SUSD6: variants seen among roughly 807,000 people sequenced by gnomAD.
The protein encoded by SUSD6 is sushi domain-containing protein 6.
A neutral mutation model predicts 28.4 loss-of-function variants in SUSD6; 16 were observed. That is an observed-to-expected ratio of 0.56 (90% CI 0.38 to 0.86). The LOEUF (loss-of-function observed/expected upper bound fraction) is 0.86, where lower values mean the gene tolerates loss of function less well. Among genes scored for constraint, SUSD6 ranks in the 40% least tolerant of loss-of-function variants. The pLI is 0.00. For synonymous variants in SUSD6, 147 were observed against 159.6 expected, an observed-to-expected ratio of 0.92 and a Z score of 0.59; for missense variants, 341 against 384.2, an observed-to-expected ratio of 0.89 and a Z score of 0.94.
chr14:69,636,272 G>A (rs1885264756), intron 1 of SUSD6, among the ~76,000 whole-genome samples: 2 of 152,334 alleles, frequency 1.3e-5, no homozygotes, highest in East Asian at 1.9e-4. Context: ...CATAGACGGA[G>A]GTGACAGTAA....
At chr14:69,705,401 C>T (rs1307466774) in intron 4 of SUSD6, among the ~76,000 whole-genome samples, 2 of 151,860 alleles carry the variant, frequency 1.3e-5, no homozygotes, top group African/African-American at 2.4e-5. Context: ...GTTCTCAAAG[C>T]GTGGTTCCAG....
intron 1 of SUSD6, among the ~76,000 whole-genome samples, chr14:69,648,662 G>A (rs1424908700): frequency 1.3e-5 from 2 of 152,078 alleles, no homozygotes; most frequent in Non-Finnish European, 2.9e-5. Flanking sequence ...TTTGGAAAAC[G>A]ATCCACAGAG....
intron 1 of SUSD6, among the ~76,000 whole-genome samples, chr14:69,627,828 C>T (rs1885137236): frequency 6.6e-6 from 1 of 152,124 alleles, no homozygotes; most frequent in African/African-American, 2.4e-5. Context: ...AATCTTTTTA[C>T]ATGTAAATGT....
intron 1 of SUSD6, among the ~76,000 whole-genome samples, chr14:69,627,959 A>C (rs1885139138): frequency 6.8e-6 from 1 of 147,470 alleles, no homozygotes. Flanking sequence ...TTTGAGATGG[A>C]GTCTCGCTCT....
rs201348116 is a variant in SUSD6 at position 69,708,849 on chromosome 14, G to T, written c.631G>T (p.Val211Leu). ...SEGSGPSGRS[V>L]PREQQLPDQG... Reference sequence around the variant, plus strand: ...AGGGTCTGGGCCCAGTGGGAGGAGCGTGCCAAGGGAGCAACAGCTGCCGGA... The same window carrying T: ...AGGGTCTGGGCCCAGTGGGAGGAGCTTGCCAAGGGAGCAACAGCTGCCGGA... The change falls in exon 5 of 6, where the codon GTG (valine) becomes TTG (leucine). Residue 211 changes from valine to leucine, a missense_variant. Val to Leu is a conservative substitution (Grantham distance 32). Coordinates refer to ENST00000342745, the MANE Select transcript of SUSD6 (RefSeq NM_014734.4). 77 of 1,614,018 alleles carry T rather than the reference G, an allele frequency of 4.8e-5. No homozygotes were observed. Among genetic ancestry groups the T allele is most frequent in the Non-Finnish European group, 6.3e-5 (74 of 1,180,024 alleles).
At chr14:69,691,207 G>C (rs776656028) in intron 2 of SUSD6, among the ~76,000 whole-genome samples, 9 of 152,168 alleles carry the variant, frequency 5.9e-5, no homozygotes, top group Non-Finnish European at 1.0e-4. Flanking sequence ...GCCGGACTTG[G>C]TGGTGTGCAC....
At chr14:69,637,455 C>A (rs192020617) in intron 1 of SUSD6, among the ~76,000 whole-genome samples, 21 of 152,178 alleles carry the variant, frequency 1.4e-4, no homozygotes, top group Non-Finnish European at 2.6e-4. Flanking sequence ...AATGTCCCCC[C>A]CTAACCAGGG....
At chr14:69,645,495 T>TGG (rs1327460645) in intron 1 of SUSD6, among the ~76,000 whole-genome samples, 4 of 152,100 alleles carry the variant, frequency 2.6e-5, no homozygotes, top group Non-Finnish European at 2.9e-5. Context: ...CTTTAAGCTG[T>TGG]ATCCCCAACT....
At chr14:69,625,877 C>T (rs546873962) in intron 1 of SUSD6, among the ~76,000 whole-genome samples, 9 of 152,308 alleles carry the variant, frequency 5.9e-5, no homozygotes, top group Admixed American at 1.3e-4. Flanking sequence ...CCACACCACC[C>T]GCGTCTGCTC....
intron 2 of SUSD6, among the ~76,000 whole-genome samples, chr14:69,698,099 G>A (rs1271998155): frequency 6.6e-6 from 1 of 152,228 alleles, no homozygotes; most frequent in Non-Finnish European, 1.5e-5. Flanking sequence ...AGGCCGAGGC[G>A]GGCAGATCAC....
At chr14:69,695,014 C>G (rs768603151) in intron 2 of SUSD6, among the ~76,000 whole-genome samples, 1 of 152,192 alleles carries the variant, frequency 6.6e-6, no homozygotes, top group African/African-American at 2.4e-5. Context: ...AAGGCTTGAG[C>G]TACTGCAGGC....
At chr14:69,700,443 CTATAAT>C (rs1323761968) in intron 2 of SUSD6, among the ~76,000 whole-genome samples, 3 of 152,160 alleles carry the variant, frequency 2.0e-5, no homozygotes, top group Non-Finnish European at 4.4e-5. Flanking sequence ...TTTTCTTTGA[CTATAAT>C]TATAAATATC....
intron 4 of SUSD6, 80 bp downstream of exon 4, chr14:69,704,822 T>C: frequency 6.7e-7 from 1 of 1,495,892 alleles, no homozygotes. Context: ...GGAGGGTTGC[T>C]GGTGGCCCCA....
chr14:69,687,724 A>C (rs1308853437), intron 2 of SUSD6, among the ~76,000 whole-genome samples: 1 of 152,228 alleles, frequency 6.6e-6, no homozygotes, highest in African/African-American at 2.4e-5. Flanking sequence ...GGCTTCTCCC[A>C]TGCCTGGCTG....
chr14:69,658,579 TG>T lies in SUSD6; in HGVS notation c.-12del, dbSNP rs746085523. ...TAAATTTTTTCTTTTTAAAAAAACT[TG>T]GACGGATAAAAGATGTGCCATGGCA... On this transcript the variant is annotated 5_prime_UTR_variant, in exon 2 of 6. Transcript: ENST00000342745. 3.1e-6 allele frequency: 5 copies of T among 1,613,374 alleles called. No individual in the cohort carries two copies. The African/African-American group carries it at 6.7e-5, about 22-fold the overall frequency.
At chr14:69,694,628 T>C (rs573469695) in intron 2 of SUSD6, among the ~76,000 whole-genome samples, 1 of 152,342 alleles carries the variant, frequency 6.6e-6, no homozygotes, top group African/African-American at 2.4e-5. Context: ...CTAAGGACTT[T>C]AGAGGCTTAG....
chr14:69,669,062 CTTTTTT>C (rs58962166), intron 2 of SUSD6, among the ~76,000 whole-genome samples: 1 of 78,004 alleles, frequency 1.3e-5, no homozygotes, highest in Non-Finnish European at 2.5e-5. Context: ...CTTTTCTTTT[CTTTTTT>C]TTTTTTTTTT....
rs925910425 is a variant in SUSD6, at chr14:69,713,020, G to C, written c.*2041G>C. The C allele has an allele frequency of 6.6e-6, 1 of 152,280 alleles. No individual in the cohort carries two copies. The highest frequency in any genetic ancestry group is 1.5e-5 in the Non-Finnish European group (1 of 68,108). The allele number at this position is 152,280 out of a possible 1,614,324, so 9.4% of individuals were successfully genotyped here. On this transcript the variant is annotated 3_prime_UTR_variant, in exon 6 of 6. Transcript: ENST00000342745. ...TCCAAAACAGAAAGCAGTGACAAAAGGGGGAGGGGTGGTAATCTGAAGTCT... is the reference window on the plus strand; with the variant it reads ...TCCAAAACAGAAAGCAGTGACAAAACGGGGAGGGGTGGTAATCTGAAGTCT...
At chr14:69,669,062 CTTTTTTTTTTT>C (rs58962166) in intron 2 of SUSD6, among the ~76,000 whole-genome samples, 1,446 of 78,088 alleles carry the variant, frequency 0.019, 33 homozygotes, top group African/African-American at 0.064. Flanking sequence ...CTTTTCTTTT[CTTTTTTTTTTT>C]TTTTTTTTTG....
Sources: gnomAD v4.1 joint callset for allele counts (sites outside exome capture counted in the v4.1 genomes callset) on GRCh38, gnomAD v4.1.1 for gene constraint, MANE v1.5 for transcripts, NCBI Gene and HGNC (gene_info 2026-07-23, HGNC 2026-07-21) for gene names.